GALNT17: variants seen among roughly 807,000 people sequenced by gnomAD.
GALNT17 encodes UDP-GalNAc:polypeptide N-acetylgalactosaminyltransferase-like 3.
A neutral mutation model predicts 63.7 loss-of-function variants in GALNT17; 29 were observed. That is an observed-to-expected ratio of 0.46 (90% CI 0.34 to 0.62). The LOEUF is 0.62. Among genes scored for constraint, GALNT17 ranks in the 20% least tolerant of loss-of-function variants. The pLI, the probability that GALNT17 is intolerant of heterozygous loss-of-function variation, is 0.01. For missense variants in GALNT17, 603 were observed against 799.6 expected, an observed-to-expected ratio of 0.75 and a Z score of 2.97; for synonymous variants, 305 against 318.3, an observed-to-expected ratio of 0.96 and a Z score of 0.45.
intron 1 of GALNT17, among the ~76,000 whole-genome samples, chr7:71,215,575 A>G (rs190425366): frequency 6.6e-6 from 1 of 152,192 alleles, no homozygotes; most frequent in East Asian, 1.9e-4. Flanking sequence ...GTTTTTACTA[A>G]TGTTCAGTTT....
At chr7:71,554,774 G>A (rs1325691639) in intron 5 of GALNT17, among the ~76,000 whole-genome samples, 2 of 152,206 alleles carry the variant, frequency 1.3e-5, no homozygotes, top group East Asian at 1.9e-4. Context: ...GCAGTAGGGT[G>A]AGGCTGAAAC....
chr7:71,696,716 G>A (rs1791551351), intron 9 of GALNT17, among the ~76,000 whole-genome samples: 1 of 152,114 alleles, frequency 6.6e-6, no homozygotes, highest in East Asian at 1.9e-4. Flanking sequence ...TTGTATTTGA[G>A]CTCAGAGGGT....
intron 6 of GALNT17, among the ~76,000 whole-genome samples, chr7:71,595,259 AAAAAAT>A (rs1187727838): frequency 6.6e-6 from 1 of 152,074 alleles, no homozygotes; most frequent in Non-Finnish European, 1.5e-5. Flanking sequence ...CTGTCCATAC[AAAAAAT>A]AAAAATAATA....
intron 1 of GALNT17, among the ~76,000 whole-genome samples, chr7:71,253,509 A>G (rs1355107226): frequency 7.2e-6 from 1 of 138,296 alleles, no homozygotes; most frequent in Non-Finnish European, 1.5e-5. Flanking sequence ...CATATTACCT[A>G]CTCTTCCTTT....
chr7:71,166,760 G>C (rs1585852343), intron 1 of GALNT17, among the ~76,000 whole-genome samples: 1 of 152,120 alleles, frequency 6.6e-6, no homozygotes, highest in Non-Finnish European at 1.5e-5. Flanking sequence ...ATTGTCTCCA[G>C]ATTGTAGCTA....
chr7:71,290,880 G>GACCT lies in GALNT17; in HGVS notation c.239-44669_239-44666dup, dbSNP rs563673659. On this transcript the variant is annotated intron_variant, in intron 1 of 10. Coordinates refer to ENST00000333538, the MANE Select transcript of GALNT17 (RefSeq NM_022479.3). The stretch of plus-strand genomic sequence containing the variant: ...TTAGAGAGACATAATATTGGACACA[G>GACCT]ACCTCATCTTGGCTCTCTGCCTCGC... Among the ~76,000 whole-genome samples the GACCT allele has an allele frequency of 9.7e-4, 147 of 152,326 alleles. 7 individuals carry two copies. In the South Asian group the frequency reaches 0.03, roughly 31 times the overall value.
chr7:71,474,475 G>A (rs1787690931), intron 5 of GALNT17, among the ~76,000 whole-genome samples: 1 of 152,158 alleles, frequency 6.6e-6, no homozygotes, highest in Non-Finnish European at 1.5e-5. Context: ...CAGGCTTGTT[G>A]TGAGCATGAA....
At chr7:71,330,511 C>T (rs1046405520) in intron 1 of GALNT17, among the ~76,000 whole-genome samples, 1 of 152,200 alleles carries the variant, frequency 6.6e-6, no homozygotes, top group Non-Finnish European at 1.5e-5. Flanking sequence ...AATCCTACCT[C>T]CTCAGCCTCT....
At chr7:71,622,660 C>G (rs1390077502) in intron 6 of GALNT17, among the ~76,000 whole-genome samples, 2 of 152,126 alleles carry the variant, frequency 1.3e-5, no homozygotes, top group Non-Finnish European at 2.9e-5. Context: ...CTGGATTGAT[C>G]TCTGTCACTC....
At chr7:71,353,305 A>G (rs1792222038) in intron 2 of GALNT17, among the ~76,000 whole-genome samples, 1 of 152,184 alleles carries the variant, frequency 6.6e-6, no homozygotes, top group African/African-American at 2.4e-5. Flanking sequence ...AGTTGCAGAC[A>G]TGATGCCCCT....
chr7:71,709,427 T>G (rs998830476), intron 9 of GALNT17, among the ~76,000 whole-genome samples: 2 of 152,188 alleles, frequency 1.3e-5, no homozygotes. Flanking sequence ...GCCATGAACA[T>G]TTTAAAAGAA....
intron 5 of GALNT17, among the ~76,000 whole-genome samples, chr7:71,552,010 T>TTTTATTTA (rs202005508): frequency 6.2e-5 from 8 of 128,248 alleles, no homozygotes; most frequent in African/African-American, 2.3e-4. Flanking sequence ...AGGTTGCTCT[T>TTTTATTTA]TTTATTTATT....
At chr7:71,242,386 A>G (rs1790015215) in intron 1 of GALNT17, among the ~76,000 whole-genome samples, 1 of 148,156 alleles carries the variant, frequency 6.7e-6, no homozygotes, top group South Asian at 2.1e-4. Context: ...CTCCTGCTTC[A>G]GCCTCCCGAG....
intron 5 of GALNT17, among the ~76,000 whole-genome samples, chr7:71,511,273 G>A (rs761827810): frequency 5.9e-5 from 9 of 152,138 alleles, no homozygotes; most frequent in Non-Finnish European, 1.2e-4. Context: ...AGTGGGAATG[G>A]GCTTGGATTT....
At chr7:71,185,250 G>A (rs936015414) in intron 1 of GALNT17, among the ~76,000 whole-genome samples, 1 of 149,640 alleles carries the variant, frequency 6.7e-6, no homozygotes, top group Non-Finnish European at 1.5e-5. Flanking sequence ...CTGCCTCCCA[G>A]GCTGGAGTAC....
At chr7:71,597,545 A>AG (rs1789905709) in intron 6 of GALNT17, among the ~76,000 whole-genome samples, 1 of 151,630 alleles carries the variant, frequency 6.6e-6, no homozygotes, top group African/African-American at 2.4e-5. Context: ...TAAGTAAATA[A>AG]TAAACAAACA....
chr7:71,293,625 G>A (rs888847205), intron 1 of GALNT17, among the ~76,000 whole-genome samples: 1 of 152,104 alleles, frequency 6.6e-6, no homozygotes, highest in Admixed American at 6.5e-5. Flanking sequence ...TGAAAGGCAG[G>A]TATAGTAGTG....
At chr7:71,277,272 G>C (rs1583822139) in intron 1 of GALNT17, among the ~76,000 whole-genome samples, 1 of 152,174 alleles carries the variant, frequency 6.6e-6, no homozygotes, top group African/African-American at 2.4e-5. Flanking sequence ...TCACTTACAA[G>C]TGGGAGCTGA....
At chr7:71,604,357 G>T (rs766755293) in intron 6 of GALNT17, among the ~76,000 whole-genome samples, 23 of 152,192 alleles carry the variant, frequency 1.5e-4, no homozygotes, top group Non-Finnish European at 3.1e-4. Context: ...GCATACAGTA[G>T]ATACTATGCT....
Sources: gnomAD v4.1 joint callset for allele counts (sites outside exome capture counted in the v4.1 genomes callset) on GRCh38, gnomAD v4.1.1 for gene constraint, MANE v1.5 for transcripts, NCBI Gene and HGNC (gene_info 2026-07-23, HGNC 2026-07-21) for gene names.